TSC22D1: variants seen among roughly 807,000 people sequenced by gnomAD.
The protein encoded by TSC22D1 is TSC22 domain family member 1.
In TSC22D1, 9 loss-of-function variants were observed where a neutral mutation model predicts 74.2. The observed-to-expected ratio is 0.12, with a 90% CI of 0.07 to 0.21. TSC22D1 has a LOEUF of 0.21. Among genes scored for constraint, TSC22D1 ranks in the 10% least tolerant of loss-of-function variants. TSC22D1 has a pLI of 1.00. For synonymous variants in TSC22D1, 586 were observed against 492.5 expected (o/e 1.19, Z -2.51); for missense variants, 1,427 against 1,304.7 (o/e 1.09, Z -1.44).
chr13:44,461,703 GATAA>G (rs1211030587), intron 1 of TSC22D1, among the ~76,000 whole-genome samples: 1 of 152,150 alleles, frequency 6.6e-6, no homozygotes, highest in African/African-American at 2.4e-5. Flanking sequence ...AATTAAGGCA[GATAA>G]ATACTCATTC....
intron 1 of TSC22D1, among the ~76,000 whole-genome samples, chr13:44,472,032 T>C (rs1877634091): frequency 6.6e-6 from 1 of 152,256 alleles, no homozygotes; most frequent in Non-Finnish European, 1.5e-5. Flanking sequence ...GTAACCCTTA[T>C]TTTACTTCAT....
At chr13:44,449,186 G>C (rs1162176069) in intron 1 of TSC22D1, among the ~76,000 whole-genome samples, 1 of 152,174 alleles carries the variant, frequency 6.6e-6, no homozygotes. Flanking sequence ...TGGGCAGGCT[G>C]ACAGGGGCAC....
At chr13:44,504,150 A>C (rs1216204646) in intron 1 of TSC22D1, among the ~76,000 whole-genome samples, 1 of 151,894 alleles carries the variant, frequency 6.6e-6, no homozygotes, top group African/African-American at 2.4e-5. Flanking sequence ...AAAAAAAAAA[A>C]AAACTACTTG....
chr13:44,521,210 C>T (rs544823573), intron 1 of TSC22D1, among the ~76,000 whole-genome samples: 40 of 152,248 alleles, frequency 2.6e-4, no homozygotes, highest in African/African-American at 8.7e-4. Flanking sequence ...ACTTCTAGGA[C>T]GCTAACCCCC....
chr13:44,571,995 C>T (rs1177187332), intron 1 of TSC22D1, among the ~76,000 whole-genome samples: 2 of 151,900 alleles, frequency 1.3e-5, no homozygotes, highest in African/African-American at 4.8e-5. Context: ...AAAGCAAAAC[C>T]CACAAACATA....
intron 1 of TSC22D1, among the ~76,000 whole-genome samples, chr13:44,567,492 C>A (rs1009441): frequency 0.36 from 54,372 of 150,900 alleles, 11,494 homozygotes; most frequent in Middle Eastern, 0.56. Context: ...AGAGGAAACA[C>A]CACATAGAAA....
intron 1 of TSC22D1, among the ~76,000 whole-genome samples, chr13:44,507,267 A>C (rs1879488036): frequency 1.3e-5 from 2 of 152,178 alleles, no homozygotes; most frequent in Non-Finnish European, 1.5e-5. Context: ...CCAAGAAAGG[A>C]GATAAAAGCA....
chr13:44,493,473 C>T (rs754894143), intron 1 of TSC22D1, among the ~76,000 whole-genome samples: 7 of 152,162 alleles, frequency 4.6e-5, no homozygotes, highest in Admixed American at 6.5e-5. Flanking sequence ...AACAAACCAC[C>T]GTCACCTGAA....
intron 1 of TSC22D1, 135 bp from the exon 2 acceptor site, chr13:44,436,230 C>T: frequency 1.8e-6 from 2 of 1,099,934 alleles, no homozygotes; most frequent in East Asian, 5.2e-5. Flanking sequence ...TAATGTATCA[C>T]CCTCCAGAAA....
rs148427032 is a variant in TSC22D1, at chr13:44,435,730, C to A, written c.2964+314G>T. On this transcript the variant is annotated intron_variant, in intron 2 of 2. Transcript: ENST00000458659. ...AGCCACATCGCTAAAGGTGTGCTCA[C>A]GACCAGCCGAAGGAGATAGTTGGCC... 1.8e-3 allele frequency: 746 copies of A among 424,312 alleles called. 6 individuals carry two copies. Among genetic ancestry groups the A allele is most frequent in the African/African-American group, 0.014 (698 of 49,006 alleles). The allele number at this position is 424,312 out of a possible 1,614,324, so 26.3% of individuals were successfully genotyped here.
chr13:44,500,466 T>G (rs1011862536), intron 1 of TSC22D1, among the ~76,000 whole-genome samples: 2 of 152,150 alleles, frequency 1.3e-5, no homozygotes, highest in South Asian at 4.1e-4. Context: ...TATAAACCAT[T>G]ATAGGGATTT....
At chr13:44,543,338 C>CTA (rs1247210854) in intron 1 of TSC22D1, among the ~76,000 whole-genome samples, 1 of 152,170 alleles carries the variant, frequency 6.6e-6, no homozygotes, top group African/African-American at 2.4e-5. Flanking sequence ...ATAGAAGGCA[C>CTA]TATGTTTCTA....
intron 1 of TSC22D1, among the ~76,000 whole-genome samples, chr13:44,481,690 T>C (rs1443599682): frequency 6.6e-6 from 1 of 152,196 alleles, no homozygotes; most frequent in Non-Finnish European, 1.5e-5. Context: ...ACAGTCGTGG[T>C]CCATGATGCT....
intron 1 of TSC22D1, among the ~76,000 whole-genome samples, chr13:44,550,091 G>A (rs1681245913): frequency 6.6e-6 from 1 of 152,000 alleles, no homozygotes; most frequent in African/African-American, 2.4e-5. Context: ...AAAATGAAAA[G>A]GTATTAAGAA....
intron 1 of TSC22D1, among the ~76,000 whole-genome samples, chr13:44,521,931 C>T (rs142914385): frequency 7.2e-5 from 11 of 151,768 alleles, no homozygotes; most frequent in Non-Finnish European, 1.6e-4. Flanking sequence ...TTGTTTGGCG[C>T]CTACTGTGTA....
At position 44,551,163 on chromosome 13, in the gene TSC22D1, C is replaced by G. The variant is rs557553864; in HGVS notation, c.2912+22000G>C. Among the ~76,000 whole-genome samples, 17 of 151,846 alleles carry G rather than the reference C, an allele frequency of 1.1e-4. No individual in the cohort carries two copies. The South Asian group carries it at 3.3e-3, about 30-fold the overall frequency. On this transcript the variant is annotated intron_variant, in intron 1 of 2. Transcript: ENST00000458659. ...ACATGTACCTGCAGTCCTGGTTACT[C>G]AGGGAAACTGAGGTGGGAGAATCGC...
chr13:44,558,881 G>GA (rs1423436139), intron 1 of TSC22D1, among the ~76,000 whole-genome samples: 2 of 152,188 alleles, frequency 1.3e-5, no homozygotes, highest in African/African-American at 4.8e-5. Context: ...TATCTAGGGT[G>GA]AAATTCTCAT....
intron 1 of TSC22D1, among the ~76,000 whole-genome samples, chr13:44,569,937 T>G (rs1210977261): frequency 6.6e-6 from 1 of 152,150 alleles, no homozygotes; most frequent in Non-Finnish European, 1.5e-5. Context: ...AACATAATTA[T>G]AATTGAATGT....
intron 1 of TSC22D1, among the ~76,000 whole-genome samples, chr13:44,542,480 T>TA (rs1331122922): frequency 2.0e-5 from 3 of 152,054 alleles, no homozygotes; most frequent in Non-Finnish European, 4.4e-5. Flanking sequence ...AACTTAGATT[T>TA]AAAAAACCAA....
Sources: allele counts gnomAD v4.1 joint callset (sites outside exome capture counted in the v4.1 genomes callset), GRCh38; gene constraint gnomAD v4.1.1; transcripts MANE v1.5; gene names NCBI Gene and HGNC (gene_info 2026-07-23, HGNC 2026-07-21).